The following CCDC30 variants were observed in gnomAD, a reference collection of about 807,000 sequenced individuals.
CCDC30 encodes the protein coiled-coil domain containing 30, also known as coiled-coil domain-containing protein 30.
A neutral mutation model predicts 100.2 loss-of-function variants in CCDC30; 70 were observed. The observed-to-expected ratio is 0.70, with a 90% CI of 0.58 to 0.85. The LOEUF is 0.85. Ranked by LOEUF, CCDC30 falls within the 40% of genes least tolerant of loss-of-function variation. The pLI is 0.00. For synonymous variants in CCDC30, 233 were observed against 269.5 expected, an observed-to-expected ratio of 0.86 and a Z score of 1.33; for missense variants, 652 against 771.2, an observed-to-expected ratio of 0.85 and a Z score of 1.83.
intron 14 of CCDC30, among the ~76,000 whole-genome samples, chr1:42,645,574 T>C (rs916924566): frequency 3.3e-5 from 5 of 152,212 alleles, no homozygotes; most frequent in African/African-American, 1.2e-4. Flanking sequence ...CTTCCCAAGA[T>C]ACTGGATAGT....
chr1:42,565,573 G>A (rs1310387953), intron 6 of CCDC30, among the ~76,000 whole-genome samples: 1 of 152,062 alleles, frequency 6.6e-6, no homozygotes, highest in Non-Finnish European at 1.5e-5. Context: ...AGAACACTTC[G>A]ACACTGTGGG....
chr1:42,622,855 A>AC (rs1646866658), intron 11 of CCDC30, among the ~76,000 whole-genome samples: 1 of 152,080 alleles, frequency 6.6e-6, no homozygotes, highest in African/African-American at 2.4e-5. Flanking sequence ...TTAATAGTGT[A>AC]TGAGGGTTCC....
intron 9 of CCDC30, 81 bp from the exon 14 acceptor site, chr1:42,589,240 C>G (rs1379218100): frequency 2.2e-5 from 26 of 1,175,926 alleles, no homozygotes; most frequent in Non-Finnish European, 2.7e-5. Context: ...AAAAAAAATC[C>G]CTTGTGATGC....
At chr1:42,583,765 G>A (rs751556964) in intron 9 of CCDC30, among the ~76,000 whole-genome samples, 9 of 152,198 alleles carry the variant, frequency 5.9e-5, no homozygotes, top group Non-Finnish European at 1.3e-4. Flanking sequence ...TATGCAGTCT[G>A]TATGGCGTCA....
chr1:42,490,046 C>T (rs1309827500), intron 3 of CCDC30, 112 bp from the exon 4 acceptor site: 1 of 386,002 alleles, frequency 2.6e-6, no homozygotes, highest in African/African-American at 2.1e-5. Flanking sequence ...GCAGAAACTC[C>T]TAGGACAGTA....
chr1:42,483,631 A>G (rs931150516), intron 3 of CCDC30, among the ~76,000 whole-genome samples: 1 of 152,046 alleles, frequency 6.6e-6, no homozygotes, highest in African/African-American at 2.4e-5. Context: ...ATCTTTTCAT[A>G]TGTTTGTTGT....
At chr1:42,619,144 A>G (rs1241829026) in intron 11 of CCDC30, among the ~76,000 whole-genome samples, 1 of 152,214 alleles carries the variant, frequency 6.6e-6, no homozygotes, top group Non-Finnish European at 1.5e-5. Context: ...ATGCACTGAC[A>G]AGCAAGCTAT....
intron 6 of CCDC30, among the ~76,000 whole-genome samples, chr1:42,505,189 A>G (rs1286954787): frequency 6.6e-6 from 1 of 151,250 alleles, no homozygotes; most frequent in Non-Finnish European, 1.5e-5. Flanking sequence ...AGGTCTATGA[A>G]GTTCCTTGGT....
intron 1 of CCDC30, 170 bp downstream of exon 1, chr1:42,464,068 C>T (rs556385054): frequency 6.6e-4 from 100 of 152,370 alleles, no homozygotes; most frequent in African/African-American, 2.4e-3. Flanking sequence ...TATAGACCAC[C>T]TCCTTCTGCT....
chr1:42,458,743 T>C (rs1643314777), upstream of CCDC30, among the ~76,000 whole-genome samples: 1 of 152,214 alleles, frequency 6.6e-6, no homozygotes, highest in Admixed American at 6.5e-5. Context: ...TTTAGTTCTA[T>C]CTTGAAAGTA....
At chr1:42,641,203 C>T (rs1045816604) in intron 12 of CCDC30, among the ~76,000 whole-genome samples, 2 of 150,220 alleles carry the variant, frequency 1.3e-5, no homozygotes, top group African/African-American at 4.9e-5. Flanking sequence ...CCTTGAACTC[C>T]ACACATGGCT....
At chr1:42,500,646 C>G (rs1394836800) in intron 6 of CCDC30, among the ~76,000 whole-genome samples, 1 of 152,196 alleles carries the variant, frequency 6.6e-6, no homozygotes, top group Non-Finnish European at 1.5e-5. Flanking sequence ...ATCTCCTGAC[C>G]TCGTGATCCA....
intron 6 of CCDC30, among the ~76,000 whole-genome samples, chr1:42,514,291 T>C (rs1644522061): frequency 1.3e-5 from 2 of 152,246 alleles, no homozygotes; most frequent in African/African-American, 2.4e-5. Context: ...ATATGCTAAC[T>C]CTACATTTAA....
intron 11 of CCDC30, among the ~76,000 whole-genome samples, chr1:42,634,165 C>G (rs561146360): frequency 2.7e-5 from 4 of 149,890 alleles, no homozygotes; most frequent in Non-Finnish European, 5.9e-5. Flanking sequence ...TAGTGATGCA[C>G]ACCTCTAGTC....
intron 12 of CCDC30, 123 bp downstream of exon 16, chr1:42,637,501 C>A: frequency 2.3e-6 from 2 of 868,524 alleles, no homozygotes; most frequent in Non-Finnish European, 1.8e-6. Flanking sequence ...CATTTCTTTT[C>A]TTTGCACCAT....
At chr1:42,576,880 C>A (rs2148584099) in intron 7 of CCDC30, 140 bp from the exon 12 acceptor site, 1 of 624,672 alleles carries the variant, frequency 1.6e-6, no homozygotes, top group Non-Finnish European at 2.8e-6. Context: ...TCTTACATGG[C>A]AGCTCTAAAG....
At position 42,527,894 on chromosome 1, in the gene CCDC30, T is replaced by A. The variant is rs180739832; in HGVS notation, c.456+28978T>A. Among the ~76,000 whole-genome samples the A allele has an allele frequency of 1.9e-3, 291 of 152,158 alleles. 1 individual carries two copies. The highest frequency in any genetic ancestry group is 6.3e-3 in the African/African-American group (262 of 41,488). On this transcript the variant is annotated intron_variant, in intron 6 of 16. Coordinates refer to ENST00000668663, the Ensembl canonical transcript of CCDC30. ...TTTTTTATTTTTTTGAAACCGAGTT[T>A]TGCTCTTGTCACCAAGGCTGGAGTG...
At chr1:42,643,592 C>T (rs990108738) in intron 13 of CCDC30, among the ~76,000 whole-genome samples, 2 of 152,166 alleles carry the variant, frequency 1.3e-5, no homozygotes, top group Non-Finnish European at 2.9e-5. Flanking sequence ...TCTATCTTGC[C>T]CTACTGATGA....
chr1:42,562,274 C>T (rs1429589131), intron 6 of CCDC30, among the ~76,000 whole-genome samples: 2 of 152,088 alleles, frequency 1.3e-5, no homozygotes, highest in Non-Finnish European at 2.9e-5. Flanking sequence ...ACCAATGGAG[C>T]AGAACAGAGA....
Sources: allele counts gnomAD v4.1 joint callset (sites outside exome capture counted in the v4.1 genomes callset), GRCh38; gene constraint gnomAD v4.1.1; transcripts MANE v1.5; gene names NCBI Gene and HGNC (gene_info 2026-07-23, HGNC 2026-07-21).